The following KMO variants were observed in gnomAD, a reference collection of about 807,000 sequenced individuals.
The protein encoded by KMO is kynurenine 3-monooxygenase.
KMO carries 24 observed loss-of-function variants against 57.8 expected under a neutral mutation model. The observed-to-expected ratio is 0.42, with a 90% CI of 0.30 to 0.58. The LOEUF (loss-of-function observed/expected upper bound fraction) is 0.58. KMO is among the 20% of genes least tolerant of loss of function. The probability of loss-of-function intolerance (pLI) is 0.22; values close to 1 mark genes in which losing one functional copy is unlikely to be tolerated. For synonymous variants in KMO, 210 were observed against 193.6 expected, an observed-to-expected ratio of 1.08 and a Z score of -0.70; for missense variants, 483 against 588.2, an observed-to-expected ratio of 0.82 and a Z score of 1.85.
At chr1:241,541,505 G>A (rs969027724) in intron 1 of KMO, among the ~76,000 whole-genome samples, 1 of 152,180 alleles carries the variant, frequency 6.6e-6, no homozygotes, top group Non-Finnish European at 1.5e-5. Context: ...CACAGATGGA[G>A]TTCAGGACGA....
rs182825181 is a variant in KMO at position 241,590,187 on chromosome 1, T to C, written c.1201-17T>C. 4 of 1,612,648 alleles carry C rather than the reference T, an allele frequency of 2.5e-6. No individual in the cohort carries two copies. In the East Asian group the frequency reaches 8.9e-5, roughly 36 times the overall value. The stretch of plus-strand genomic sequence containing the variant: ...TGTTAAAGAATACACAAGAATACTT[T>C]TTAAACTTCCCTGCAGGTCACTTTT... On this transcript the variant is annotated splice_polypyrimidine_tract_variant and intron_variant, in intron 13 of 14. Coordinates refer to ENST00000366559, the MANE Select transcript of KMO (RefSeq NM_003679.5).
intron 7 of KMO, 72 bp downstream of exon 7, chr1:241,562,404 A>C: frequency 6.9e-7 from 1 of 1,439,040 alleles, no homozygotes; most frequent in East Asian, 2.3e-5. Context: ...ATTCTAGTGC[A>C]GTGGTTCTCA....
chr1:241,549,596 T>C (rs1290599060), intron 2 of KMO, 81 bp from the exon 3 acceptor site: 2 of 750,398 alleles, frequency 2.7e-6, no homozygotes, highest in African/African-American at 3.5e-5. Context: ...AATGAACCAG[T>C]TGTTCAGATG....
At position 241,594,783 on chromosome 1, in the gene KMO, G is replaced by A; in HGVS notation, c.*2630G>A. The A allele has an allele frequency of 6.8e-7, 1 of 1,462,560 alleles. No individual in the cohort carries two copies. The highest frequency in any genetic ancestry group is 9.3e-7 in the Non-Finnish European group (1 of 1,080,012). 90.6% of individuals were successfully genotyped at this position (1,462,560 alleles called of 1,614,324 possible). A position where few individuals can be genotyped will look rare whatever the true frequency, so the allele number is the denominator to read the frequency against. On this transcript the variant is annotated 3_prime_UTR_variant, in exon 15 of 15. Transcript: ENST00000366559. ...AGGAAATCAGTTGAGCTGAATTTAAGTTGTTTTTTGTTTGTTAGCAGGTGT... is the reference window on the plus strand; with the variant it reads ...AGGAAATCAGTTGAGCTGAATTTAAATTGTTTTTTGTTTGTTAGCAGGTGT...
chr1:241,538,462 A>G (rs144420999), intron 1 of KMO, among the ~76,000 whole-genome samples: 339 of 152,348 alleles, frequency 2.2e-3, no homozygotes, highest in African/African-American at 7.3e-3. Flanking sequence ...TACCATAGTG[A>G]CATACATGCC....
intron 4 of KMO, among the ~76,000 whole-genome samples, chr1:241,552,624 C>T (rs1661450889): frequency 6.6e-6 from 1 of 152,140 alleles, no homozygotes; most frequent in Non-Finnish European, 1.5e-5. Flanking sequence ...ATATCTCCTC[C>T]ACCAATTCCC....
chr1:241,586,191 CTT>C lies in KMO; in HGVS notation c.958-464_958-463del, dbSNP rs386370217. On this transcript the variant is annotated intron_variant, in intron 10 of 14. Transcript: ENST00000366559. ...CACTGCCAAGCATGAAGTCTATGGT[CTT>C]TTTTTTTTTTTTTTTTTTTTTTTGA... Among the ~76,000 whole-genome samples, 515 of 79,986 alleles carry C rather than the reference CTT, an allele frequency of 6.4e-3. 3 individuals carry two copies. Among genetic ancestry groups the C allele is most frequent in the African/African-American group, 0.025 (485 of 19,690 alleles). The allele number at this position is 79,986 out of a possible 152,430, so 52.5% of individuals were successfully genotyped here.
intron 11 of KMO, among the ~76,000 whole-genome samples, chr1:241,587,855 A>C (rs1663068750): frequency 6.6e-6 from 1 of 151,856 alleles, no homozygotes; most frequent in Non-Finnish European, 1.5e-5. Context: ...ATTGGTTTGC[A>C]CATGACCATG....
At position 241,577,475 on chromosome 1, in the gene KMO, C is replaced by A. The variant is rs184682277; in HGVS notation, c.957+8828C>A. Among the ~76,000 whole-genome samples, 54 of 152,098 alleles carry A rather than the reference C, an allele frequency of 3.6e-4. 1 individual carries two copies. In the East Asian group the frequency reaches 7.9e-3, roughly 22 times the overall value. Reference sequence around the variant, plus strand: ...GTTTATAGTTTATTGTAGCCTAATTCGGCTCTTGGTGCTTTCAGAGTTGAA... The same window carrying A: ...GTTTATAGTTTATTGTAGCCTAATTAGGCTCTTGGTGCTTTCAGAGTTGAA... On this transcript the variant is annotated intron_variant, in intron 10 of 14. Transcript: ENST00000366559.
intron 7 of KMO, among the ~76,000 whole-genome samples, chr1:241,563,209 A>T (rs1442169325): frequency 6.6e-6 from 1 of 152,206 alleles, no homozygotes; most frequent in Non-Finnish European, 1.5e-5. Context: ...ACTGGAGGCA[A>T]ATAAGTGGTA....
chr1:241,553,441 C>A (rs1244425712), intron 4 of KMO, among the ~76,000 whole-genome samples: 1 of 152,206 alleles, frequency 6.6e-6, no homozygotes, highest in Admixed American at 6.5e-5. Flanking sequence ...AATCCCAGAA[C>A]TTTGGGAGGC....
At chr1:241,543,304 A>C (rs1440360586) in intron 1 of KMO, among the ~76,000 whole-genome samples, 1 of 152,106 alleles carries the variant, frequency 6.6e-6, no homozygotes, top group Non-Finnish European at 1.5e-5. Flanking sequence ...TATTTATCTC[A>C]TGTATACACG....
Position 241,562,309 on chromosome 1 carries a change from A to C in KMO, c.592A>C (p.Thr198Pro), listed in dbSNP as rs763808267. The change falls in exon 7 of 15, where the codon ACT becomes CCT. Residue 198 changes from threonine (T) to proline (P), a missense_variant. This residue lies in a region of KMO where 410 missense variants were observed against 492.3 expected (regional missense o/e 0.83). Coordinates refer to ENST00000366559, the MANE Select transcript of KMO (RefSeq NM_003679.5). ...CATTCCTCATGGGTACATGGAGTTG[A>C]CTATTCCACCTAAGAACGGAGATGT... ...QYIPHGYMEL[T>P]IPPKNGDYAM... The C allele has an allele frequency of 1.2e-6, 2 of 1,614,120 alleles. No individual in the cohort carries two copies. The highest frequency in any genetic ancestry group is 1.7e-6 in the Non-Finnish European group (2 of 1,179,974).
chr1:241,536,247 T>A (rs1253411336), intron 1 of KMO, among the ~76,000 whole-genome samples: 2 of 152,144 alleles, frequency 1.3e-5, no homozygotes, highest in Non-Finnish European at 2.9e-5. Context: ...TTCTAGCACA[T>A]CATTTCAAAA....
In KMO at chr1:241,595,124, T is replaced by C. The variant is rs74150330; in HGVS notation, c.*2971T>C. 1,069 of 155,342 alleles carry C rather than the reference T, an allele frequency of 6.9e-3. 3 individuals are homozygous for C. Among genetic ancestry groups the C allele is most frequent in the African/African-American group, 0.016 (669 of 41,628 alleles). 9.6% of individuals were successfully genotyped at this position (155,342 alleles called of 1,614,324 possible). On this transcript the variant is annotated 3_prime_UTR_variant, in exon 15 of 15. Transcript: ENST00000366559. ...TGGCAGAGTTTACAGCCTGGTGTACTTGCTAATGTCTCTTTAATTAGGTGA... is the reference window on the plus strand; with the variant it reads ...TGGCAGAGTTTACAGCCTGGTGTACCTGCTAATGTCTCTTTAATTAGGTGA...
chr1:241,535,120 G>GA (rs1266861710), intron 1 of KMO, among the ~76,000 whole-genome samples: 2 of 151,788 alleles, frequency 1.3e-5, no homozygotes, highest in African/African-American at 4.8e-5. Context: ...ATATAAAGGT[G>GA]AAAAAATAAT....
intron 10 of KMO, among the ~76,000 whole-genome samples, chr1:241,578,710 A>C (rs1662630655): frequency 6.6e-6 from 1 of 152,090 alleles, no homozygotes; most frequent in Non-Finnish European, 1.5e-5. Flanking sequence ...CAGACTTAGA[A>C]CTTCCTGGTT....
chr1:241,577,472 A>C (rs964568803), intron 10 of KMO, among the ~76,000 whole-genome samples: 1 of 152,030 alleles, frequency 6.6e-6, no homozygotes, highest in Non-Finnish European at 1.5e-5. Context: ...TTGTAGCCTA[A>C]TTCGGCTCTT....
At chr1:241,572,279 G>C (rs572974667) in intron 10 of KMO, among the ~76,000 whole-genome samples, 1 of 152,058 alleles carries the variant, frequency 6.6e-6, no homozygotes, top group Non-Finnish European at 1.5e-5. Flanking sequence ...ACTTGTTAAT[G>C]GTGGAATTTC....
Sources: allele counts gnomAD v4.1 joint callset (sites outside exome capture counted in the v4.1 genomes callset), GRCh38; gene constraint gnomAD v4.1.1; regional missense constraint gnomAD v4.1.1; transcripts MANE v1.5; gene names NCBI Gene and HGNC (gene_info 2026-07-23, HGNC 2026-07-21).